TNFRSF19: variants seen among roughly 807,000 people sequenced by gnomAD.
TNFRSF19 encodes the protein tumor necrosis factor receptor superfamily member 19.
A neutral mutation model predicts 46.4 loss-of-function variants in TNFRSF19; 27 were observed. The observed-to-expected ratio is 0.58, with a 90% CI of 0.43 to 0.80. The LOEUF is 0.80. TNFRSF19 is among the 30% of genes least tolerant of loss of function. The pLI, the probability that TNFRSF19 is intolerant of heterozygous loss-of-function variation, is 0.00. For synonymous variants in TNFRSF19, 204 were observed against 205.0 expected (o/e 1.00, Z 0.04); for missense variants, 511 against 530.8 (o/e 0.96, Z 0.37).
rs150494727 is a variant in TNFRSF19 at position 23,629,315 on chromosome 13, G to T, written c.445+2523G>T. On this transcript the variant is annotated intron_variant, in intron 5 of 9. Coordinates refer to ENST00000248484, the MANE Select transcript of TNFRSF19 (RefSeq NM_148957.4). The stretch of plus-strand genomic sequence containing the variant: ...GGGGGTCCCAGGTGGCTCGGAGTCT[G>T]GTGGCACACCACGCCTTCTGCAGAA... 5.5e-3 allele frequency among the ~76,000 whole-genome samples: 844 copies of T among 152,288 alleles called. 10 individuals are homozygous for T. The highest frequency in any genetic ancestry group is 0.02 in the African/African-American group (811 of 41,548).
At chr13:23,585,973 T>G (rs1313580864) in intron 1 of TNFRSF19, among the ~76,000 whole-genome samples, 1 of 152,112 alleles carries the variant, frequency 6.6e-6, no homozygotes, top group African/African-American at 2.4e-5. Context: ...CTGCAGTGAC[T>G]AAAGAAAATA....
chr13:23,585,126 A>G (rs912395094), intron 1 of TNFRSF19, among the ~76,000 whole-genome samples: 1 of 152,230 alleles, frequency 6.6e-6, no homozygotes, highest in African/African-American at 2.4e-5. Context: ...GTTGAATATC[A>G]ACATTTTAAA....
intron 1 of TNFRSF19, among the ~76,000 whole-genome samples, chr13:23,579,987 C>T (rs1185734001): frequency 6.6e-6 from 1 of 152,164 alleles, no homozygotes; most frequent in African/African-American, 2.4e-5. Context: ...GGCGGGAGAG[C>T]GTTGTCTGTG....
chr13:23,586,722 G>C (rs547071228), intron 1 of TNFRSF19, among the ~76,000 whole-genome samples: 18 of 152,320 alleles, frequency 1.2e-4, no homozygotes, highest in African/African-American at 4.3e-4. Flanking sequence ...AAATGAGCAG[G>C]CTGAGCAGCT....
At chr13:23,621,059 A>T (rs1234576050) in intron 4 of TNFRSF19, among the ~76,000 whole-genome samples, 2 of 152,176 alleles carry the variant, frequency 1.3e-5, no homozygotes, top group South Asian at 4.2e-4. Context: ...GTCTGATATC[A>T]CTGGGAGGTC....
intron 2 of TNFRSF19, among the ~76,000 whole-genome samples, chr13:23,590,584 T>G (rs907071394): frequency 6.6e-5 from 10 of 152,146 alleles, no homozygotes; most frequent in African/African-American, 2.4e-4. Flanking sequence ...ATCCGCCTGC[T>G]TTGGCCTCCC....
At chr13:23,609,849 T>A (rs539422531) in intron 3 of TNFRSF19, among the ~76,000 whole-genome samples, 1 of 152,352 alleles carries the variant, frequency 6.6e-6, no homozygotes, top group South Asian at 2.1e-4. Flanking sequence ...TCACTTTATT[T>A]ATGTTTAATT....
chr13:23,657,801 A>G (rs1306738124), intron 5 of TNFRSF19, among the ~76,000 whole-genome samples: 2 of 152,050 alleles, frequency 1.3e-5, no homozygotes, highest in African/African-American at 2.4e-5. Flanking sequence ...GATCCTCTCA[A>G]TTCAGCCTCC....
rs932287115 is a variant in TNFRSF19, at chr13:23,673,514, A to G, written c.*134A>G. On this transcript the variant is annotated 3_prime_UTR_variant, in exon 10 of 10. Coordinates refer to ENST00000248484, the MANE Select transcript of TNFRSF19 (RefSeq NM_148957.4). ...AATAAATCTGAACCAAACTGACGGC[A>G]TTTGAAGCCTTTCAGCCAGTTGCTT... The G allele has an allele frequency of 1.3e-4, 177 of 1,352,254 alleles. No individual in the cohort carries two copies. The highest frequency in any genetic ancestry group is 1.6e-4 in the Non-Finnish European group (171 of 1,040,850). 83.8% of individuals were successfully genotyped at this position (1,352,254 alleles called of 1,614,324 possible). A position where few individuals can be genotyped will look rare whatever the true frequency, so the allele number is the denominator to read the frequency against.
intron 1 of TNFRSF19, among the ~76,000 whole-genome samples, chr13:23,587,219 T>G: frequency 6.6e-6 from 1 of 152,294 alleles, no homozygotes; most frequent in Admixed American, 6.5e-5. Context: ...ATTGCCTTAT[T>G]TTTATTTTAA....
chr13:23,639,941 T>C (rs1882931631), intron 5 of TNFRSF19, among the ~76,000 whole-genome samples: 1 of 152,228 alleles, frequency 6.6e-6, no homozygotes, highest in African/African-American at 2.4e-5. Context: ...GGTTTTGGCT[T>C]AGGAACAAAA....
chr13:23,670,759 A>C (rs1593307308), intron 9 of TNFRSF19, among the ~76,000 whole-genome samples: 1 of 152,152 alleles, frequency 6.6e-6, no homozygotes, highest in Middle Eastern at 3.4e-3. Context: ...AACAGGCGGA[A>C]CCCCCCTGCT....
At chr13:23,670,903 T>C (rs1194058487) in intron 9 of TNFRSF19, among the ~76,000 whole-genome samples, 1 of 152,232 alleles carries the variant, frequency 6.6e-6, no homozygotes, top group Non-Finnish European at 1.5e-5. Context: ...AGCTGACTAA[T>C]GACTGTTTTT....
At chr13:23,653,881 G>A (rs1210036141) in intron 5 of TNFRSF19, among the ~76,000 whole-genome samples, 2 of 152,184 alleles carry the variant, frequency 1.3e-5, no homozygotes, top group Non-Finnish European at 2.9e-5. Flanking sequence ...AGGCCACAGT[G>A]GCCATGGGAC....
At chr13:23,588,818 C>A (rs1879038473) in intron 1 of TNFRSF19, among the ~76,000 whole-genome samples, 3 of 152,160 alleles carry the variant, frequency 2.0e-5, no homozygotes, top group Admixed American at 6.5e-5. Flanking sequence ...GACCAAGTAG[C>A]TGGAAAAGTG....
chr13:23,645,767 C>A (rs1363542477), intron 5 of TNFRSF19, among the ~76,000 whole-genome samples: 2 of 152,126 alleles, frequency 1.3e-5, no homozygotes, highest in African/African-American at 4.8e-5. Context: ...GAATTTATAT[C>A]TCCAGCTACA....
At chr13:23,588,646 A>G (rs1347594658) in intron 1 of TNFRSF19, among the ~76,000 whole-genome samples, 1 of 152,144 alleles carries the variant, frequency 6.6e-6, no homozygotes, top group Non-Finnish European at 1.5e-5. Flanking sequence ...TACATTTTTT[A>G]AAATGTAAGA....
At chr13:23,626,940 C>A in intron 5 of TNFRSF19, 148 bp downstream of exon 5, 1 of 700,278 alleles carries the variant, frequency 1.4e-6, no homozygotes, top group Non-Finnish European at 2.3e-6. Context: ...AGGCTTCTGG[C>A]AGGACAGAAA....
In TNFRSF19 at chr13:23,656,575, G is replaced by A. The variant is rs117515425; in HGVS notation, c.446-2475G>A. 1.1e-4 allele frequency among the ~76,000 whole-genome samples: 17 copies of A among 152,316 alleles called. No homozygotes were observed. In the East Asian group the frequency reaches 3.3e-3, roughly 29 times the overall value. The stretch of plus-strand genomic sequence containing the variant: ...GATGAGCTTAATGGTTACAACAGTT[G>A]AGAACTTTGAAGTCCTCCACTCAAA... On this transcript the variant is annotated intron_variant, in intron 5 of 9. Transcript: ENST00000248484.
Sources: allele counts gnomAD v4.1 joint callset (sites outside exome capture counted in the v4.1 genomes callset), GRCh38; gene constraint gnomAD v4.1.1; transcripts MANE v1.5; gene names NCBI Gene and HGNC (gene_info 2026-07-23, HGNC 2026-07-21).